The following GRM7 variants were observed in gnomAD, a reference collection of about 807,000 sequenced individuals.
The protein encoded by GRM7 is metabotropic glutamate receptor 7.
In GRM7, 35 loss-of-function variants were observed where a neutral mutation model predicts 84.5. The ratio of observed to expected loss-of-function variants is 0.41; its 90% confidence interval spans 0.32 to 0.55. The LOEUF (loss-of-function observed/expected upper bound fraction) is 0.55, where lower values mean the gene tolerates loss of function less well. GRM7 is among the 20% of genes least tolerant of loss of function. The pLI, the probability that GRM7 is intolerant of heterozygous loss-of-function variation, is 0.19. For synonymous variants in GRM7, 487 were observed against 455.1 expected (o/e 1.07, Z -0.89); for missense variants, 1,003 against 1,194.6 (o/e 0.84, Z 2.36).
intron 8 of GRM7, among the ~76,000 whole-genome samples, chr3:7,581,344 G>C (rs1575520639): frequency 1.3e-5 from 2 of 152,278 alleles, no homozygotes; most frequent in East Asian, 3.9e-4. Flanking sequence ...TTTTATACCA[G>C]AGTTTTAGAA....
intron 1 of GRM7, among the ~76,000 whole-genome samples, chr3:6,966,656 T>C (rs922563266): frequency 6.6e-6 from 1 of 152,214 alleles, no homozygotes; most frequent in Non-Finnish European, 1.5e-5. Flanking sequence ...AATCAGTGTA[T>C]CTATTAGAAA....
At chr3:7,085,227 A>G (rs1021882121) in intron 1 of GRM7, among the ~76,000 whole-genome samples, 2 of 152,186 alleles carry the variant, frequency 1.3e-5, no homozygotes, top group Middle Eastern at 3.2e-3. Flanking sequence ...CTAGGCTGAA[A>G]GTTATATTGG....
chr3:6,983,673 G>A (rs1189875891), intron 1 of GRM7, among the ~76,000 whole-genome samples: 1 of 152,106 alleles, frequency 6.6e-6, no homozygotes, highest in Non-Finnish European at 1.5e-5. Context: ...TTTCTGGCTT[G>A]ACATTGAACC....
chr3:7,522,277 C>G (rs1353265141), intron 7 of GRM7, among the ~76,000 whole-genome samples: 1 of 151,248 alleles, frequency 6.6e-6, no homozygotes, highest in African/African-American at 2.4e-5. Flanking sequence ...CAAACGCAAT[C>G]AACTCGGGGT....
At chr3:7,374,374 T>C (rs1694258723) in intron 4 of GRM7, among the ~76,000 whole-genome samples, 1 of 152,104 alleles carries the variant, frequency 6.6e-6, no homozygotes. Flanking sequence ...AGGCCACACC[T>C]CGCTTTGTTG....
intron 2 of GRM7, among the ~76,000 whole-genome samples, chr3:7,154,218 C>A (rs1694376218): frequency 6.6e-6 from 1 of 152,134 alleles, no homozygotes; most frequent in African/African-American, 2.4e-5. Context: ...TCCAATAACT[C>A]ACTGGGAACT....
chr3:7,361,770 T>C (rs1454828801), intron 4 of GRM7, among the ~76,000 whole-genome samples: 2 of 152,142 alleles, frequency 1.3e-5, no homozygotes, highest in Non-Finnish European at 2.9e-5. Flanking sequence ...AGCTCTTGAA[T>C]GTAAGAACTA....
At chr3:7,561,029 C>G (rs1694002152) in intron 7 of GRM7, among the ~76,000 whole-genome samples, 1 of 152,040 alleles carries the variant, frequency 6.6e-6, no homozygotes, top group Admixed American at 6.6e-5. Context: ...TAATCTGTTG[C>G]CTGCCTGTGT....
At chr3:7,614,959 C>A (rs143334000) in intron 8 of GRM7, among the ~76,000 whole-genome samples, 1 of 152,118 alleles carries the variant, frequency 6.6e-6, no homozygotes, top group Non-Finnish European at 1.5e-5. Context: ...GATCTGACTT[C>A]AGTTTTTATT....
chr3:7,060,418 A>G (rs1250097120), intron 1 of GRM7, among the ~76,000 whole-genome samples: 1 of 151,734 alleles, frequency 6.6e-6, no homozygotes, highest in Non-Finnish European at 1.5e-5. Context: ...CATTGTAGGA[A>G]CAAGATGGTG....
At chr3:7,385,827 A>G (rs981162967) in intron 4 of GRM7, among the ~76,000 whole-genome samples, 4 of 152,240 alleles carry the variant, frequency 2.6e-5, no homozygotes, top group Non-Finnish European at 4.4e-5. Flanking sequence ...CTAATATTTC[A>G]TCAGTGACAG....
At chr3:7,433,181 T>G (rs1168882114) in intron 5 of GRM7, among the ~76,000 whole-genome samples, 2 of 152,220 alleles carry the variant, frequency 1.3e-5, no homozygotes, top group Admixed American at 1.3e-4. Context: ...ACTGGAATCA[T>G]TTTTATGTAG....
At chr3:7,253,604 T>G in intron 2 of GRM7, among the ~76,000 whole-genome samples, 3 of 113,532 alleles carry the variant, frequency 2.6e-5, no homozygotes, top group Non-Finnish European at 3.4e-5. Flanking sequence ...GCAACAAGAG[T>G]GAAACTCCAT....
At chr3:6,947,493 A>G (rs1209159423) in intron 1 of GRM7, among the ~76,000 whole-genome samples, 3 of 152,122 alleles carry the variant, frequency 2.0e-5, no homozygotes, top group Non-Finnish European at 4.4e-5. Context: ...ATGTTCGTCA[A>G]GGATATTGGT....
chr3:6,900,337 C>T (rs982407179), intron 1 of GRM7, among the ~76,000 whole-genome samples: 3 of 152,188 alleles, frequency 2.0e-5, no homozygotes, highest in East Asian at 1.9e-4. Context: ...GACTGGAGGG[C>T]GTGAAATCAG....
chr3:6,918,660 C>G (rs1240524318), intron 1 of GRM7, among the ~76,000 whole-genome samples: 1 of 152,148 alleles, frequency 6.6e-6, no homozygotes, highest in Non-Finnish European at 1.5e-5. Context: ...GTTAAGTTCC[C>G]TAGAGTGCCA....
At chr3:7,235,925 C>T (rs1305004191) in intron 2 of GRM7, among the ~76,000 whole-genome samples, 7 of 152,140 alleles carry the variant, frequency 4.6e-5, no homozygotes, top group Admixed American at 4.6e-4. Context: ...TAAGAAAATA[C>T]CTTAGACTGG....
chr3:6,998,359 C>T (rs1170068625), intron 1 of GRM7, among the ~76,000 whole-genome samples: 4 of 152,064 alleles, frequency 2.6e-5, no homozygotes, highest in Admixed American at 1.3e-4. Flanking sequence ...CAGCTCTGGC[C>T]CTGTGGCTTG....
rs879629124 is a variant in GRM7 at position 6,935,351 on chromosome 3, CT to C, written c.519+73455del. ...TTCAGTTTATTGTAAAGCTGCTAGG[CT>C]TTTTTTTTTTGAAAAGGAAGTCTAT... On this transcript the variant is annotated intron_variant, in intron 1 of 9. Coordinates refer to ENST00000357716, the MANE Select transcript of GRM7 (RefSeq NM_000844.4). Among the ~76,000 whole-genome samples, 88 of 144,992 alleles carry C rather than the reference CT, an allele frequency of 6.1e-4. 1 individual carries two copies. The highest frequency in any genetic ancestry group is 3.6e-3 in the Middle Eastern group (1 of 280).
Sources: gnomAD v4.1 joint callset for allele counts (sites outside exome capture counted in the v4.1 genomes callset) on GRCh38, gnomAD v4.1.1 for gene constraint, MANE v1.5 for transcripts, NCBI Gene and HGNC (gene_info 2026-07-23, HGNC 2026-07-21) for gene names.